Variants in TLN1 observed in about 807,000 individuals in gnomAD.
TLN1 encodes talin 1.
In TLN1, 56 loss-of-function variants were observed where a neutral mutation model predicts 292.3. That is an observed-to-expected ratio of 0.19 (90% CI 0.15 to 0.24). TLN1 has a LOEUF of 0.24. Among genes scored for constraint, TLN1 ranks in the 10% least tolerant of loss-of-function variants. The pLI, the probability that TLN1 is intolerant of heterozygous loss-of-function variation, is 1.00. For missense variants in TLN1, 2,433 were observed against 3,248.2 expected, an observed-to-expected ratio of 0.75 and a Z score of 6.10; for synonymous variants, 1,119 against 1,253.7, an observed-to-expected ratio of 0.89 and a Z score of 2.27.
Position 35,715,000 on chromosome 9 carries a change from T to C in TLN1, c.2754+59A>G, listed in dbSNP as rs1278335531. Reference sequence around the variant, plus strand: ...CTTACTCTCCGCACCTCCCTTTCAGTTCATTCCTCCCACAGCACCCACACT... The same window carrying C: ...CTTACTCTCCGCACCTCCCTTTCAGCTCATTCCTCCCACAGCACCCACACT... On this transcript the variant is annotated intron_variant, in intron 21 of 56. Coordinates refer to ENST00000314888, the MANE Select transcript of TLN1 (RefSeq NM_006289.4). This position sits in a 1 kb window ranked among gnomAD's most constrained non-coding sequence, Gnocchi z 4.6. The C allele has an allele frequency of 3.7e-6, 6 of 1,611,882 alleles. No homozygotes were observed. The highest frequency in any genetic ancestry group is 5.1e-6 in the Non-Finnish European group (6 of 1,180,014).
intron 34 of TLN1, among the ~76,000 whole-genome samples, chr9:35,708,132 G>C (rs530329137): frequency 2.0e-5 from 3 of 152,288 alleles, no homozygotes; most frequent in East Asian, 3.9e-4. Context: ...GAGTAAGCTC[G>C]AACATCTACA....
At chr9:35,702,424 T>G (rs1825481190) in intron 48 of TLN1, among the ~76,000 whole-genome samples, 1 of 152,188 alleles carries the variant, frequency 6.6e-6, no homozygotes, top group African/African-American at 2.4e-5. Flanking sequence ...TAAAGGTGAT[T>G]CAATGACGTT....
rs767517375 is a variant in TLN1, at chr9:35,705,598, G to C, written c.5686C>G (p.Leu1896Val). The C allele has an allele frequency of 3.7e-6, 6 of 1,605,204 alleles. No individual in the cohort carries two copies. The highest frequency in any genetic ancestry group is 1.1e-5 in the South Asian group (1 of 90,778). ...GCTGCAGGCTTGGCCTCCGAGGCCA[G>C]ACGGCCATAGTCACTGGTCAGCTGG... ...ANQLTSDYGR[L>V]ASEAKPAAVA... Residue 1896 changes from leucine to valine, a missense_variant, in exon 43 of 57, where the codon CTG becomes GTG. By Grantham distance (32) the Leu-to-Val change is conservative. This residue lies in a region of TLN1 where 1,384 missense variants were observed against 1,699.6 expected (regional missense o/e 0.81). Coordinates refer to ENST00000314888, the MANE Select transcript of TLN1 (RefSeq NM_006289.4).
intron 1 of TLN1, among the ~76,000 whole-genome samples, chr9:35,729,821 A>T (rs1587993289): frequency 6.6e-6 from 1 of 152,124 alleles, no homozygotes; most frequent in Non-Finnish European, 1.5e-5. Flanking sequence ...GGTTGGGCAG[A>T]GAATGTGAGG....
chr9:35,712,272 GTT>G, intron 27 of TLN1, 148 bp from the exon 28 acceptor site: 1 of 1,173,102 alleles, frequency 8.5e-7, no homozygotes, highest in Non-Finnish European at 1.2e-6. Flanking sequence ...TGAGGTTAGG[GTT>G]TCAAGTGACA....
At chr9:35,722,535 G>A (rs80208546) in intron 8 of TLN1, among the ~76,000 whole-genome samples, 202 of 152,310 alleles carry the variant, frequency 1.3e-3, no homozygotes, top group African/African-American at 4.7e-3. Flanking sequence ...AGTGGACAAA[G>A]ACTATACTCT....
At chr9:35,722,942 T>G in intron 7 of TLN1, 21 bp from the exon 8 acceptor site, 1 of 1,612,844 alleles carries the variant, frequency 6.2e-7, no homozygotes, top group Non-Finnish European at 8.5e-7. Context: ...AAAGGGAGGG[T>G]CAGCATGTGG....
intron 48 of TLN1, 96 bp from the exon 49 acceptor site, chr9:35,700,472 A>G: frequency 1.6e-6 from 2 of 1,265,746 alleles, no homozygotes; most frequent in South Asian, 3.1e-5. Flanking sequence ...AGACATTCAC[A>G]CATCACAGTG....
Position 35,719,051 on chromosome 9 carries a change from A to G in TLN1, c.1896+23T>C. On this transcript the variant is annotated intron_variant, in intron 16 of 56. Transcript: ENST00000314888. The surrounding 1 kb of genome is among the most constrained non-coding windows in gnomAD (Gnocchi z 4.6). ...TGGGCTTGAACCCTGTCTCCACCCT[A>G]ACCCAAACCTGTGGCCCCTGACCTC... 6.2e-7 allele frequency: 1 copy of G among 1,605,660 alleles called. No individual in the cohort carries two copies.
chr9:35,702,161 G>A (rs758369713), intron 48 of TLN1, among the ~76,000 whole-genome samples: 5 of 152,166 alleles, frequency 3.3e-5, no homozygotes, highest in Non-Finnish European at 7.3e-5. Flanking sequence ...GGCTAAGATG[G>A]TGAAGTCAAA....
intron 56 of TLN1, 39 bp from the exon 57 acceptor site, chr9:35,697,955 C>T (rs774132537): frequency 6.2e-7 from 1 of 1,613,754 alleles, no homozygotes; most frequent in East Asian, 2.2e-5. Flanking sequence ...AGTGAGGATG[C>T]ACAGCAGGGG....
Position 35,697,677 on chromosome 9 carries a change from A to C in TLN1, c.*114T>G. 3.4e-6 allele frequency: 5 copies of C among 1,472,102 alleles called. No homozygotes were observed. The highest frequency in any genetic ancestry group is 4.6e-6 in the Non-Finnish European group (5 of 1,093,928). The allele number at this position is 1,472,102 out of a possible 1,614,324, so 91.2% of individuals were successfully genotyped here. A position where few individuals can be genotyped will look rare whatever the true frequency, so the allele number is the denominator to read the frequency against. ...GCGGGGCCAGGCCCTGGGGTTTGGC[A>C]GGCACTTTGGGGAGTGCTGGGGTTG... On this transcript the variant is annotated 3_prime_UTR_variant, in exon 57 of 57. Coordinates refer to ENST00000314888, the MANE Select transcript of TLN1 (RefSeq NM_006289.4).
Position 35,724,961 on chromosome 9 carries a change from T to C in TLN1, c.229-2A>G, listed in dbSNP as rs1825942490. The C allele has an allele frequency of 1.2e-6, 2 of 1,614,092 alleles. No individual in the cohort carries two copies. Among genetic ancestry groups the C allele is most frequent in the Non-Finnish European group, 1.7e-6 (2 of 1,180,042 alleles). ...TTTCTTCCTGTACTCCATAGTGTCC[T>C]GTTAGGGCAGGAAGAAGAGACAGGG... On this transcript the variant is annotated splice_acceptor_variant, in intron 3 of 56. Transcript: ENST00000314888. LOFTEE classifies it high-confidence loss of function. This position sits in a 1 kb window ranked among gnomAD's most constrained non-coding sequence, Gnocchi z 4.7.
At chr9:35,700,127 C>T (rs1825437162) in intron 49 of TLN1, 46 bp from the exon 50 acceptor site, 1 of 1,593,494 alleles carries the variant, frequency 6.3e-7, no homozygotes, top group South Asian at 1.1e-5. Flanking sequence ...CAGATCCCTA[C>T]AGTTTCTCTC....
rs767686341 is a variant in TLN1, at chr9:35,699,308, A to G, written c.6874+48T>C. On this transcript the variant is annotated intron_variant, in intron 51 of 56. Transcript: ENST00000314888. This position sits in a 1 kb window ranked among gnomAD's most constrained non-coding sequence, Gnocchi z 4.0. ...TGTCCAGCCAGGAAGCAGAGATCAC[A>G]CCATGATAAGGGTTTTCCATCCGTC... is the stretch of plus-strand genomic sequence containing the variant. 4 of 1,580,664 alleles carry G rather than the reference A, an allele frequency of 2.5e-6. No homozygotes were observed. The highest frequency in any genetic ancestry group is 1.7e-4 in the Middle Eastern group (1 of 5,894).
intron 48 of TLN1, among the ~76,000 whole-genome samples, chr9:35,702,119 A>C (rs1262179416): frequency 1.3e-5 from 2 of 152,186 alleles, no homozygotes; most frequent in African/African-American, 4.8e-5. Flanking sequence ...GGGAGGAGGA[A>C]TGAAAGGACG....
At position 35,705,911 on chromosome 9, in the gene TLN1, G is replaced by A. The variant is rs1563940009; in HGVS notation, c.5511+51C>T. 3.1e-6 allele frequency: 5 copies of A among 1,613,986 alleles called. No homozygotes were observed. In the Admixed American group the frequency reaches 5.0e-5, roughly 16 times the overall value. On this transcript the variant is annotated intron_variant, in intron 41 of 56. Transcript: ENST00000314888. Reference sequence around the variant, plus strand: ...TAGGGTCTCTGCCACTGTGCTTGGAGGCTCTGGCCCAGGGTAGCCTCAGTG... The same window carrying A: ...TAGGGTCTCTGCCACTGTGCTTGGAAGCTCTGGCCCAGGGTAGCCTCAGTG...
chr9:35,713,855 GAAAA>G, intron 25 of TLN1, 94 bp downstream of exon 25: 2 of 1,335,814 alleles, frequency 1.5e-6, no homozygotes, highest in African/African-American at 1.5e-5. Flanking sequence ...AGAGAAAAAA[GAAAA>G]AGGAAGGAAG....
rs150281523 is a variant in TLN1, at chr9:35,726,620, G to C, written c.-33-893C>G. Among the ~76,000 whole-genome samples the C allele has an allele frequency of 3.2e-3, 491 of 152,278 alleles. 3 individuals are homozygous for C. The highest frequency in any genetic ancestry group is 0.011 in the African/African-American group (464 of 41,556). On this transcript the variant is annotated intron_variant, in intron 1 of 56. Coordinates refer to ENST00000314888, the MANE Select transcript of TLN1 (RefSeq NM_006289.4). ...TAGCCTGGCAGGGAGACCAAATACT[G>C]GTTGCTCAAGCCATTCAGGGGTCCG...
Sources: allele counts gnomAD v4.1 joint callset (sites outside exome capture counted in the v4.1 genomes callset), GRCh38; gene constraint gnomAD v4.1.1; regional missense constraint gnomAD v4.1.1; non-coding constraint Gnocchi (gnomAD v3.1); transcripts MANE v1.5; gene names NCBI Gene and HGNC (gene_info 2026-07-23, HGNC 2026-07-21).